The following LRMDA variants were observed in gnomAD, a reference collection of about 807,000 sequenced individuals.
The protein encoded by LRMDA is leucine-rich melanocyte differentiation-associated protein.
LRMDA carries 18 observed loss-of-function variants against 29.8 expected under a neutral mutation model. The ratio of observed to expected loss-of-function variants is 0.60; its 90% CI spans 0.42 to 0.90. The LOEUF is 0.90. Among genes scored for constraint, LRMDA ranks in the 40% least tolerant of loss-of-function variants. The pLI, the probability that LRMDA is intolerant of heterozygous loss-of-function variation, is 0.00. For synonymous variants in LRMDA, 125 were observed against 109.4 expected (o/e 1.14, Z -0.89); for missense variants, 273 against 273.9 (o/e 1.00, Z 0.02).
Position 75,670,394 on chromosome 10 carries a change from T to A in LRMDA, c.131+231900T>A, listed in dbSNP as rs182045811. Among the ~76,000 whole-genome samples, 983 of 152,198 alleles carry A rather than the reference T, an allele frequency of 6.5e-3. 42 individuals are homozygous for A. Among genetic ancestry groups the A allele is most frequent in the Middle Eastern group, 3.4e-3 (1 of 294 alleles). On this transcript the variant is annotated intron_variant, in intron 2 of 6. Coordinates refer to ENST00000611255, the MANE Select transcript of LRMDA (RefSeq NM_001305581.2). ...CTCCCTCTAACCAGAGCATTTTTTT[T>A]AAATACTCTAAAAGTAAATAGAAAA...
chr10:75,996,642 T>C (rs1454069312), intron 2 of LRMDA, among the ~76,000 whole-genome samples: 2 of 152,202 alleles, frequency 1.3e-5, no homozygotes, highest in Non-Finnish European at 2.9e-5. Context: ...TCAAAGCATG[T>C]TGCATCTGTT....
chr10:76,423,190 T>C (rs779227805), intron 6 of LRMDA, among the ~76,000 whole-genome samples: 6 of 151,974 alleles, frequency 3.9e-5, no homozygotes, highest in Non-Finnish European at 8.8e-5. Context: ...AGTCCAGGAG[T>C]TTGAAGCCAG....
chr10:75,712,445 T>TG (rs1842447389), intron 2 of LRMDA, among the ~76,000 whole-genome samples: 1 of 126,804 alleles, frequency 7.9e-6, no homozygotes, highest in Non-Finnish European at 1.7e-5. Context: ...GTGGGGGCGG[T>TG]TGGGGGGGTG....
chr10:75,743,887 CACCCCCAAGTGCTCCCCACA>C (rs1842860786), intron 2 of LRMDA: 1 of 152,138 alleles, frequency 6.6e-6, no homozygotes, highest in Non-Finnish European at 1.5e-5. Flanking sequence ...CAGCTTTCCC[CACCCCCAAGTGCTCCCCACA>C]ACCCAAAGAA....
intron 2 of LRMDA, among the ~76,000 whole-genome samples, chr10:76,014,850 G>A (rs1323708853): frequency 2.0e-5 from 3 of 152,200 alleles, no homozygotes; most frequent in Admixed American, 6.5e-5. Flanking sequence ...TTCATGGGAG[G>A]CGTGACCTAG....
intron 5 of LRMDA, among the ~76,000 whole-genome samples, chr10:76,240,322 A>G (rs1168671621): frequency 7.9e-5 from 12 of 151,176 alleles, no homozygotes; most frequent in Non-Finnish European, 1.5e-5. Context: ...TAAGTGAAGT[A>G]ACTCAGGAAT....
intron 2 of LRMDA, among the ~76,000 whole-genome samples, chr10:75,511,567 G>A (rs1426234315): frequency 2.0e-5 from 3 of 152,160 alleles, no homozygotes; most frequent in Non-Finnish European, 4.4e-5. Flanking sequence ...GCTTGGGAAA[G>A]GCTTTGGCAT....
intron 2 of LRMDA, among the ~76,000 whole-genome samples, chr10:75,689,336 G>A (rs1430489812): frequency 6.6e-6 from 1 of 152,220 alleles, no homozygotes; most frequent in Non-Finnish European, 1.5e-5. Context: ...AGGGTTATTT[G>A]TGGATTCTGT....
intron 2 of LRMDA, among the ~76,000 whole-genome samples, chr10:75,865,237 T>C (rs1002392550): frequency 6.6e-6 from 1 of 152,194 alleles, no homozygotes; most frequent in Non-Finnish European, 1.5e-5. Context: ...TCTGGGGTGA[T>C]AGAAAGCAGA....
intron 6 of LRMDA, among the ~76,000 whole-genome samples, chr10:76,419,791 T>A (rs1036464550): frequency 1.3e-5 from 2 of 152,100 alleles, no homozygotes; most frequent in African/African-American, 4.8e-5. Context: ...TGGTTATTAT[T>A]GAGTTTTAAG....
At chr10:75,690,595 G>A (rs566407896) in intron 2 of LRMDA, among the ~76,000 whole-genome samples, 4 of 152,010 alleles carry the variant, frequency 2.6e-5, no homozygotes, top group African/African-American at 7.2e-5. Context: ...GATTACATGC[G>A]TGAGCCACTG....
At chr10:76,271,821 A>G (rs1286983730) in intron 5 of LRMDA, among the ~76,000 whole-genome samples, 2 of 152,206 alleles carry the variant, frequency 1.3e-5, no homozygotes, top group Non-Finnish European at 2.9e-5. Context: ...CAAAAATCTG[A>G]ATTACTTCCC....
chr10:76,004,972 C>T (rs1246809998), intron 2 of LRMDA, among the ~76,000 whole-genome samples: 2 of 152,054 alleles, frequency 1.3e-5, no homozygotes, highest in African/African-American at 4.8e-5. Context: ...TGTGATCCAC[C>T]CACCTCGGCC....
intron 2 of LRMDA, among the ~76,000 whole-genome samples, chr10:75,571,211 AG>A (rs1221513010): frequency 6.6e-6 from 1 of 152,212 alleles, no homozygotes; most frequent in African/African-American, 2.4e-5. Flanking sequence ...GTAGAGATAT[AG>A]GTCAATTAAC....
At chr10:76,453,489 G>C (rs139744992) in intron 6 of LRMDA, among the ~76,000 whole-genome samples, 1 of 152,230 alleles carries the variant, frequency 6.6e-6, no homozygotes, top group African/African-American at 2.4e-5. Flanking sequence ...ACTTTGAGGG[G>C]GCTATGATAA....
chr10:76,033,998 G>T (rs986864275), intron 2 of LRMDA, among the ~76,000 whole-genome samples: 1 of 152,000 alleles, frequency 6.6e-6, no homozygotes, highest in East Asian at 1.9e-4. Context: ...AAAAAACAGC[G>T]TATGCTAGTA....
intron 6 of LRMDA, among the ~76,000 whole-genome samples, chr10:76,441,398 G>A (rs1392042842): frequency 6.6e-6 from 1 of 152,064 alleles, no homozygotes; most frequent in African/African-American, 2.4e-5. Flanking sequence ...GAAAATTACT[G>A]ACCTTCTATG....
chr10:76,415,534 A>T (rs1842005473), intron 6 of LRMDA, among the ~76,000 whole-genome samples: 1 of 152,064 alleles, frequency 6.6e-6, no homozygotes, highest in Non-Finnish European at 1.5e-5. Flanking sequence ...AAAAAGTAGG[A>T]GTTGGACTAA....
chr10:76,238,987 C>G lies in LRMDA; in HGVS notation c.517-85414C>G, dbSNP rs142010727. ...CAATCTTAGCTATGAATTGAGTGAA[C>G]AGGTATTATGGGAAAGGAAGGGGGT... On this transcript the variant is annotated intron_variant, in intron 5 of 6. Transcript: ENST00000611255. 2.0e-3 allele frequency among the ~76,000 whole-genome samples: 309 copies of G among 152,102 alleles called. 3 individuals are homozygous for G. The highest frequency in any genetic ancestry group is 6.7e-3 in the African/African-American group (278 of 41,470).
Sources: gnomAD v4.1 joint callset for allele counts (sites outside exome capture counted in the v4.1 genomes callset) on GRCh38, gnomAD v4.1.1 for gene constraint, MANE v1.5 for transcripts, NCBI Gene and HGNC (gene_info 2026-07-23, HGNC 2026-07-21) for gene names.